Variants in RPS6KA4 observed in about 807,000 individuals in gnomAD.
RPS6KA4 encodes ribosomal protein S6 kinase alpha-4.
Under a neutral mutation model 89.6 loss-of-function variants are expected in RPS6KA4, and 38 were observed. The ratio of observed to expected loss-of-function variants is 0.42; its 90% CI spans 0.33 to 0.56. The LOEUF (loss-of-function observed/expected upper bound fraction) is 0.56. Ranked by LOEUF, RPS6KA4 falls within the 20% of genes least tolerant of loss-of-function variation. The pLI, the probability that RPS6KA4 is intolerant of heterozygous loss-of-function variation, is 0.07. For missense variants in RPS6KA4, 873 were observed against 1,098.8 expected (o/e 0.79, Z 2.90); for synonymous variants, 495 against 492.8 (o/e 1.00, Z -0.06).
intron 9 of RPS6KA4, 106 bp from the exon 10 acceptor site, chr11:64,368,026 C>G (rs1038047954): frequency 1.7e-6 from 2 of 1,209,200 alleles, no homozygotes; most frequent in Admixed American, 4.1e-5. Flanking sequence ...CCCCCCACTG[C>G]CCCCTTGTCC....
At chr11:64,360,670 C>T in intron 4 of RPS6KA4, 78 bp downstream of exon 4, 2 of 1,278,666 alleles carry the variant, frequency 1.6e-6, no homozygotes, top group East Asian at 5.1e-5. Context: ...CGCAGGGCAG[C>T]CTCAGGCTTC....
chr11:64,370,557 C>T lies in RPS6KA4; in HGVS notation c.1958-6C>T. ...TCCTCCCCACACTTCCTTGCCCCGC[C>T]TCCAGGGCTCCTGACCGTGGACCCC... On this transcript the variant is annotated splice_polypyrimidine_tract_variant and splice_region_variant and intron_variant, in intron 15 of 16. Transcript: ENST00000334205. This position sits in a 1 kb window ranked among gnomAD's most constrained non-coding sequence, Gnocchi z 4.1. 8 of 1,592,730 alleles carry T rather than the reference C, an allele frequency of 5.0e-6. No homozygotes were observed. The highest frequency in any genetic ancestry group is 6.0e-6 in the Non-Finnish European group (7 of 1,175,428).
chr11:64,370,652 C>A lies in RPS6KA4; in HGVS notation c.2047C>A (p.Pro683Thr), dbSNP rs763078981. The A allele has an allele frequency of 1.9e-6, 3 of 1,572,100 alleles. No individual in the cohort carries two copies. The highest frequency in any genetic ancestry group is 2.3e-5 in the East Asian group (1 of 43,710). ...WLQDGSARSS[P>T]PLRTPDVLES... is the part of the protein sequence containing the mutation. ...GCAGGACGGCAGCGCGCGCTCCTCG[C>A]CCCCGCTCCGGACGCCCGACGTGCT... Residue 683 changes from proline (P) to threonine (T), a missense_variant, in exon 16 of 17, where the codon CCC becomes ACC. Physicochemically the swap from Pro to Thr is conservative, Grantham distance 38. Coordinates refer to ENST00000334205, the MANE Select transcript of RPS6KA4 (RefSeq NM_003942.3). The surrounding 1 kb of genome is among the most constrained non-coding windows in gnomAD (Gnocchi z 4.1).
Position 64,360,525 on chromosome 11 carries a change from A to T in RPS6KA4, c.395A>T (p.Tyr132Phe). The T allele has an allele frequency of 6.2e-7, 1 of 1,612,678 alleles. No individual in the cohort carries two copies. The highest frequency in any genetic ancestry group is 8.5e-7 in the Non-Finnish European group (1 of 1,179,418). ...TTCACCCACCTCTACCAGCGCCAGT[A>T]CTTCAAGGAGGCTGAGGTGCGCGTG... The part of the protein sequence containing the change: ...EMFTHLYQRQ[Y>F]FKEAEVRVYG... The change falls in exon 4 of 17, where the codon TAC becomes TTC. Residue 132 changes from tyrosine (Y) to phenylalanine (F), a missense_variant. Tyr to Phe is a conservative substitution (Grantham distance 22, BLOSUM62 3). Coordinates refer to ENST00000334205, the MANE Select transcript of RPS6KA4 (RefSeq NM_003942.3).
chr11:64,371,450 C>T lies in RPS6KA4; in HGVS notation c.2289C>T (p.Arg763=). Residue 763 remains arginine, a synonymous_variant, in exon 17 of 17, where the codon CGC becomes CGT. Transcript: ENST00000334205. ...RAPVASKGAP[R]RANGPLPPS ...CCGTCGCCTCCAAAGGGGCCCCCCG[C>T]CGAGCCAACGGCCCCCTGCCCCCCT... 1 of 1,543,414 alleles carries T rather than the reference C, an allele frequency of 6.5e-7. No homozygotes were observed. The highest frequency in any genetic ancestry group is 8.8e-7 in the Non-Finnish European group (1 of 1,131,474).
rs755881487 is a variant in RPS6KA4, at chr11:64,370,382, G to A, written c.1955G>A (p.Arg652Gln). The A allele has an allele frequency of 4.3e-6, 7 of 1,610,902 alleles. No homozygotes were observed. The highest frequency in any genetic ancestry group is 1.7e-5 in the Admixed American group (1 of 58,800). Residue 652 changes from arginine to glutamine, a missense_variant and splice_region_variant, in exon 15 of 17, where the codon CGA (arginine) becomes CAA (glutamine). Coordinates refer to ENST00000334205, the MANE Select transcript of RPS6KA4 (RefSeq NM_003942.3). This position sits in a 1 kb window ranked among gnomAD's most constrained non-coding sequence, Gnocchi z 4.1. ...GVSEEAKELV[R>Q]GLLTVDPAKR... ...TCCGAGGAAGCCAAGGAGCTGGTCC[G>A]AGGTGCGGAGCTGGAGGTCATAGAC...
At position 64,365,336 on chromosome 11, in the gene RPS6KA4, T is replaced by C; in HGVS notation, c.942T>C (p.Ile314=). Residue 314 remains isoleucine, a synonymous_variant, in exon 9 of 17, where the codon ATT becomes ATC. Coordinates refer to ENST00000334205, the MANE Select transcript of RPS6KA4 (RefSeq NM_003942.3). ...GGGTGGCTCTGGCTGCCAGGAAGAT[T>C]CCAGCCCCATTCCGGCCCCAAATCC... is the stretch of plus-strand genomic sequence containing the variant. The part of the protein sequence containing the change: ...LDWVALAARK[I]PAPFRPQIRS... The C allele has an allele frequency of 6.2e-7, 1 of 1,614,006 alleles. No individual in the cohort carries two copies. The highest frequency in any genetic ancestry group is 8.5e-7 in the Non-Finnish European group (1 of 1,179,940).
chr11:64,363,617 G>C (rs938708410), intron 8 of RPS6KA4, among the ~76,000 whole-genome samples: 1 of 151,844 alleles, frequency 6.6e-6, no homozygotes, highest in African/African-American at 2.4e-5. Flanking sequence ...TCAGCCTCCC[G>C]AGTAGCTGGG....
chr11:64,368,057 T>A lies in RPS6KA4; in HGVS notation c.1072-75T>A. On this transcript the variant is annotated intron_variant, in intron 9 of 16. Transcript: ENST00000334205. ...TGTCCAGGGTCTTGCCTTTGCCTGG[T>A]TCCCCACCAGAGTCTCCTCACCCGC... 4 of 1,535,320 alleles carry A rather than the reference T, an allele frequency of 2.6e-6. No homozygotes were observed. The South Asian group carries it at 4.8e-5, about 18-fold the overall frequency.
chr11:64,363,776 G>A (rs1446693994), intron 8 of RPS6KA4, among the ~76,000 whole-genome samples: 1 of 152,112 alleles, frequency 6.6e-6, no homozygotes, highest in Non-Finnish European at 1.5e-5. Flanking sequence ...AGACACATGA[G>A]CCACCACGCC....
chr11:64,365,734 ATTG>A (rs1464573644), intron 9 of RPS6KA4, among the ~76,000 whole-genome samples: 1 of 151,808 alleles, frequency 6.6e-6, no homozygotes, highest in African/African-American at 2.4e-5. Flanking sequence ...ATGTAAAAAT[ATTG>A]TTTGAAATTA....
intron 8 of RPS6KA4, among the ~76,000 whole-genome samples, chr11:64,363,736 C>T (rs373293208): frequency 6.8e-4 from 103 of 152,168 alleles, no homozygotes; most frequent in Middle Eastern, 6.8e-3. Flanking sequence ...GTGATCTGCC[C>T]GCCTTAGCCT....
chr11:64,370,150 T>C lies in RPS6KA4; in HGVS notation c.1798-75T>C. 2 of 1,461,026 alleles carry C rather than the reference T, an allele frequency of 1.4e-6. No individual in the cohort carries two copies. The highest frequency in any genetic ancestry group is 2.9e-5 in the South Asian group (2 of 68,372). 90.5% of individuals were successfully genotyped at this position (1,461,026 alleles called of 1,614,324 possible). ...GAGTGCCCCTAGTGGGGAGGGTGAGTGGTTCTGTGGGAGCGGAGGGGTCAG... is the reference window on the plus strand; with the variant it reads ...GAGTGCCCCTAGTGGGGAGGGTGAGCGGTTCTGTGGGAGCGGAGGGGTCAG... On this transcript the variant is annotated intron_variant, in intron 14 of 16. Transcript: ENST00000334205. The surrounding 1 kb of genome is among the most constrained non-coding windows in gnomAD (Gnocchi z 4.1).
At chr11:64,366,169 ATTTTT>A (rs58025633) in intron 9 of RPS6KA4, among the ~76,000 whole-genome samples, 1 of 127,234 alleles carries the variant, frequency 7.9e-6, no homozygotes, top group Non-Finnish European at 1.7e-5. Flanking sequence ...CCTCCACCGA[ATTTTT>A]TTTTTTTTTT....
rs1317621508 is a variant in RPS6KA4 at position 64,370,335 on chromosome 11, C to T, written c.1908C>T (p.Asp636=). The part of the protein sequence containing the change: ...CKIREGRFSL[D]GEAWQGVSEE... The stretch of plus-strand genomic sequence containing the variant: ...TCCGCGAGGGGCGCTTCTCCCTTGA[C>T]GGGGAGGCCTGGCAGGGTGTATCCG... Residue 636 remains aspartate (D), a synonymous_variant, in exon 15 of 17, where the codon GAC becomes GAT. Transcript: ENST00000334205. The surrounding 1 kb of genome is among the most constrained non-coding windows in gnomAD (Gnocchi z 4.1). 1.9e-6 allele frequency: 3 copies of T among 1,604,798 alleles called. No individual in the cohort carries two copies. Among genetic ancestry groups the T allele is most frequent in the Admixed American group, 1.8e-5 (1 of 56,368 alleles).
Position 64,359,166 on chromosome 11 carries a change from C to G in RPS6KA4, c.-70C>G. ...AGGCGGCACCAGGAAGCGCCCGCCC[C>G]GGCCGGAGCCGCCATGTAACCGGCG... On this transcript the variant is annotated 5_prime_UTR_variant, in exon 1 of 17. Transcript: ENST00000334205. The G allele has an allele frequency of 1.7e-6, 2 of 1,198,378 alleles. No homozygotes were observed. The highest frequency in any genetic ancestry group is 4.1e-5 in the South Asian group (1 of 24,140). The allele number at this position is 1,198,378 out of a possible 1,614,324, so 74.2% of individuals were successfully genotyped here.
Position 64,370,960 on chromosome 11 carries a change from C to T in RPS6KA4, c.2121+234C>T, listed in dbSNP as rs1591322329. Among the ~76,000 whole-genome samples, 2 of 151,940 alleles carry T rather than the reference C, an allele frequency of 1.3e-5. No homozygotes were observed. The highest frequency in any genetic ancestry group is 2.1e-4 in the South Asian group (1 of 4,818). On this transcript the variant is annotated intron_variant, in intron 16 of 16. Coordinates refer to ENST00000334205, the MANE Select transcript of RPS6KA4 (RefSeq NM_003942.3). This position sits in a 1 kb window ranked among gnomAD's most constrained non-coding sequence, Gnocchi z 4.1. Reference sequence around the variant, plus strand: ...CTCTTCTAAAAAGAGAAAAATTAGCCGGGTGTGGTGGCGCGCGCCTGTAAT... The same window carrying T: ...CTCTTCTAAAAAGAGAAAAATTAGCTGGGTGTGGTGGCGCGCGCCTGTAAT...
At chr11:64,360,836 G>C (rs1411309955) in intron 4 of RPS6KA4, among the ~76,000 whole-genome samples, 1 of 152,130 alleles carries the variant, frequency 6.6e-6, no homozygotes, top group African/African-American at 2.4e-5. Flanking sequence ...TCGGGGCTGC[G>C]TTCACAGAAC....
At chr11:64,368,865 G>A in intron 12 of RPS6KA4, 68 bp downstream of exon 12, 1 of 1,413,884 alleles carries the variant, frequency 7.1e-7, no homozygotes, top group Non-Finnish European at 9.7e-7. Context: ...GGGCACTATG[G>A]GCGGGATCTA....
Sources: gnomAD v4.1 joint callset for allele counts (sites outside exome capture counted in the v4.1 genomes callset) on GRCh38, gnomAD v4.1.1 for gene constraint, Gnocchi (gnomAD v3.1) non-coding constraint, MANE v1.5 for transcripts, NCBI Gene and HGNC (gene_info 2026-07-23, HGNC 2026-07-21) for gene names.